The following SPOCK3 variants were observed in gnomAD, a reference collection of about 807,000 sequenced individuals.
The protein encoded by SPOCK3 is SPARC (osteonectin), cwcv and kazal like domains proteoglycan 3.
SPOCK3 carries 30 observed loss-of-function variants against 56.6 expected under a neutral mutation model. The observed-to-expected ratio is 0.53, with a 90% CI of 0.40 to 0.72. SPOCK3 has a LOEUF of 0.72. Among genes scored for constraint, SPOCK3 ranks in the 30% least tolerant of loss-of-function variants. The pLI is 0.00. For synonymous variants in SPOCK3, 196 were observed against 183.3 expected (o/e 1.07, Z -0.56); for missense variants, 527 against 530.0 (o/e 0.99, Z 0.06).
intron 6 of SPOCK3, among the ~76,000 whole-genome samples, chr4:166,887,273 C>T (rs1424174899): frequency 4.0e-4 from 61 of 152,190 alleles, no homozygotes; most frequent in Admixed American, 3.9e-3. Flanking sequence ...AGTTTAAAAG[C>T]GGGAAATCTC....
chr4:166,770,798 A>G (rs1738838860), intron 7 of SPOCK3, among the ~76,000 whole-genome samples: 1 of 152,060 alleles, frequency 6.6e-6, no homozygotes, highest in Non-Finnish European at 1.5e-5. Context: ...ATATAAAGAT[A>G]CAGACTGGTT....
At chr4:166,803,412 C>A (rs984843476) in intron 6 of SPOCK3, among the ~76,000 whole-genome samples, 4 of 151,996 alleles carry the variant, frequency 2.6e-5, no homozygotes, top group African/African-American at 9.7e-5. Flanking sequence ...GGCATTTGGG[C>A]AGTAGTAATA....
chr4:167,128,435 A>T (rs1032356532), intron 2 of SPOCK3, among the ~76,000 whole-genome samples: 3 of 152,148 alleles, frequency 2.0e-5, no homozygotes. Context: ...ACTTTGTGCA[A>T]AAAAAGTAGT....
intron 2 of SPOCK3, among the ~76,000 whole-genome samples, chr4:167,147,441 C>T (rs1416761399): frequency 6.6e-6 from 1 of 151,996 alleles, no homozygotes; most frequent in Admixed American, 6.6e-5. Context: ...ACCATTTGAC[C>T]CAGCAATCCC....
At chr4:167,184,659 T>C (rs747174825) in intron 2 of SPOCK3, among the ~76,000 whole-genome samples, 6 of 152,232 alleles carry the variant, frequency 3.9e-5, no homozygotes, top group African/African-American at 9.6e-5. Context: ...TTAGCCATTA[T>C]ATCACAACTT....
intron 2 of SPOCK3, among the ~76,000 whole-genome samples, chr4:167,178,595 G>A (rs905253721): frequency 6.6e-6 from 1 of 151,960 alleles, no homozygotes; most frequent in African/African-American, 2.4e-5. Context: ...TATATTAATT[G>A]TTACATAACT....
intron 4 of SPOCK3, among the ~76,000 whole-genome samples, chr4:166,919,728 GA>G (rs1311897378): frequency 6.6e-6 from 1 of 152,074 alleles, no homozygotes; most frequent in Non-Finnish European, 1.5e-5. Context: ...TAATGGACAA[GA>G]AATCTTTATA....
At chr4:167,082,143 T>C (rs762559749) in intron 2 of SPOCK3, among the ~76,000 whole-genome samples, 8 of 152,128 alleles carry the variant, frequency 5.3e-5, no homozygotes, top group Admixed American at 3.3e-4. Context: ...GTGCAACTTA[T>C]GTTTAAAAGG....
intron 7 of SPOCK3, among the ~76,000 whole-genome samples, chr4:166,781,933 A>G (rs1196630822): frequency 2.0e-5 from 3 of 152,192 alleles, no homozygotes; most frequent in Non-Finnish European, 4.4e-5. Context: ...CAGTGAAAAT[A>G]TATTTTAAAA....
At chr4:166,828,965 TA>T (rs1745753428) in intron 6 of SPOCK3, among the ~76,000 whole-genome samples, 1 of 152,032 alleles carries the variant, frequency 6.6e-6, no homozygotes, top group South Asian at 2.1e-4. Flanking sequence ...GTTTCCCTAT[TA>T]AAAATAATTT....
At chr4:166,861,443 G>A (rs1446053772) in intron 6 of SPOCK3, among the ~76,000 whole-genome samples, 1 of 151,992 alleles carries the variant, frequency 6.6e-6, no homozygotes, top group African/African-American at 2.4e-5. Context: ...CCAATTTATT[G>A]AATTCCACTT....
chr4:167,228,680 G>A (rs1021497776), intron 2 of SPOCK3, among the ~76,000 whole-genome samples: 3 of 152,178 alleles, frequency 2.0e-5, no homozygotes, highest in Non-Finnish European at 2.9e-5. Flanking sequence ...CTGTGATCAC[G>A]GCTTAACTAG....
intron 2 of SPOCK3, among the ~76,000 whole-genome samples, chr4:167,170,894 C>G (rs745724042): frequency 6.6e-6 from 1 of 151,976 alleles, no homozygotes; most frequent in Non-Finnish European, 1.5e-5. Context: ...ACTGACAGTA[C>G]AGTGGTCCCT....
At chr4:167,083,257 C>A in intron 2 of SPOCK3, 1 of 765,354 alleles carries the variant, frequency 1.3e-6, no homozygotes, top group Non-Finnish European at 2.4e-6. Context: ...CTCAGACTTT[C>A]CCTAAGATTC....
At chr4:167,187,212 T>G (rs978017151) in intron 2 of SPOCK3, among the ~76,000 whole-genome samples, 1 of 151,968 alleles carries the variant, frequency 6.6e-6, no homozygotes, top group South Asian at 2.1e-4. Context: ...TTTCATCTTT[T>G]ACGTTTCATT....
At chr4:166,779,546 A>G (rs1348421612) in intron 7 of SPOCK3, among the ~76,000 whole-genome samples, 2 of 152,156 alleles carry the variant, frequency 1.3e-5, no homozygotes, top group Non-Finnish European at 2.9e-5. Flanking sequence ...GTAAGTAAAC[A>G]TGAATATAGA....
At chr4:166,846,344 T>TA in intron 6 of SPOCK3, among the ~76,000 whole-genome samples, 1 of 152,262 alleles carries the variant, frequency 6.6e-6, no homozygotes, top group South Asian at 2.1e-4. Context: ...GTTCATTATG[T>TA]AAAAAATACA....
At chr4:167,210,882 CAT>C in intron 2 of SPOCK3, among the ~76,000 whole-genome samples, 1 of 152,240 alleles carries the variant, frequency 6.6e-6, no homozygotes, top group Non-Finnish European at 1.5e-5. Context: ...TATCTGATCA[CAT>C]ATTTCAGTTA....
chr4:167,002,557 C>G (rs976951202), intron 3 of SPOCK3, among the ~76,000 whole-genome samples: 4 of 152,088 alleles, frequency 2.6e-5, no homozygotes, highest in Non-Finnish European at 5.9e-5. Context: ...TTAATTATAG[C>G]TTTCCTTGTT....
Sources: allele counts gnomAD v4.1 joint callset (sites outside exome capture counted in the v4.1 genomes callset), GRCh38; gene constraint gnomAD v4.1.1; transcripts MANE v1.5; gene names NCBI Gene and HGNC (gene_info 2026-07-23, HGNC 2026-07-21).